MIPOL1: variants seen among roughly 807,000 people sequenced by gnomAD.
MIPOL1 encodes the protein mirror-image polydactyly gene 1 protein.
A neutral mutation model predicts 60.9 loss-of-function variants in MIPOL1; 57 were observed. That is an observed-to-expected ratio of 0.94 (90% CI 0.76 to 1.17). MIPOL1 has a LOEUF of 1.17. MIPOL1 is among the 50% of genes most tolerant of loss of function. The pLI is 0.00. For missense variants in MIPOL1, 551 were observed against 511.6 expected (o/e 1.08, Z -0.74); for synonymous variants, 179 against 168.8 (o/e 1.06, Z -0.47).
intron 12 of MIPOL1, among the ~76,000 whole-genome samples, chr14:37,526,385 T>C (rs1194998211): frequency 6.7e-6 from 1 of 150,020 alleles, no homozygotes; most frequent in African/African-American, 2.4e-5. Context: ...TTTTTTTTTT[T>C]TTGAGACGGA....
chr14:37,495,522 GTCTA>G (rs1315179256), intron 11 of MIPOL1, among the ~76,000 whole-genome samples: 4 of 149,178 alleles, frequency 2.7e-5, no homozygotes, highest in African/African-American at 9.9e-5. Context: ...TCTTAATCCA[GTCTA>G]TCATTGTTGG....
At chr14:37,427,089 A>C (rs1055755443) in intron 11 of MIPOL1, among the ~76,000 whole-genome samples, 1 of 152,202 alleles carries the variant, frequency 6.6e-6, no homozygotes, top group Non-Finnish European at 1.5e-5. Context: ...ATTGAAAGTA[A>C]GGACAAGCAG....
Position 37,233,516 on chromosome 14 carries a change from T to C in MIPOL1, c.-198-13587T>C, listed in dbSNP as rs540854456. ...GCCATTTAGTCCATCCCTAAAGAAC[T>C]GAGGGTCCTAGGAATTTAACCATGT... On this transcript the variant is annotated intron_variant, in intron 1 of 12. Transcript: ENST00000684589. Among the ~76,000 whole-genome samples the C allele has an allele frequency of 3.9e-5, 6 of 152,326 alleles. No individual in the cohort carries two copies. In the South Asian group the frequency reaches 1.2e-3, roughly 32 times the overall value.
chr14:37,460,159 A>C (rs1465071517), intron 11 of MIPOL1, among the ~76,000 whole-genome samples: 1 of 152,118 alleles, frequency 6.6e-6, no homozygotes, highest in Non-Finnish European at 1.5e-5. Flanking sequence ...CAAGAAGTTA[A>C]TACACCACAA....
chr14:37,432,019 A>C (rs1004184922), intron 11 of MIPOL1, among the ~76,000 whole-genome samples: 1 of 151,954 alleles, frequency 6.6e-6, no homozygotes, highest in Non-Finnish European at 1.5e-5. Flanking sequence ...TATTTTGTGC[A>C]CTCCCAAAAT....
chr14:37,335,993 T>C (rs561697042), intron 9 of MIPOL1, among the ~76,000 whole-genome samples: 1 of 152,208 alleles, frequency 6.6e-6, no homozygotes, highest in South Asian at 2.1e-4. Context: ...ATGAAATTTT[T>C]TCCCTGTATT....
intron 11 of MIPOL1, among the ~76,000 whole-genome samples, chr14:37,457,058 A>C (rs2153579041): frequency 6.6e-6 from 1 of 152,272 alleles, no homozygotes; most frequent in South Asian, 2.1e-4. Context: ...GCTATACATA[A>C]TGTAAAAAGA....
At chr14:37,340,144 T>TA (rs1245097385) in intron 9 of MIPOL1, among the ~76,000 whole-genome samples, 5 of 152,210 alleles carry the variant, frequency 3.3e-5, no homozygotes, top group African/African-American at 1.2e-4. Flanking sequence ...GGTGTCTTAC[T>TA]ACTTTGTCTT....
At chr14:37,286,625 G>A (rs1016311913) in intron 7 of MIPOL1, among the ~76,000 whole-genome samples, 5 of 152,056 alleles carry the variant, frequency 3.3e-5, no homozygotes, top group Non-Finnish European at 7.4e-5. Context: ...TTAAAACATG[G>A]TTCACTGGGG....
chr14:37,350,445 A>AT (rs900959325), intron 9 of MIPOL1, among the ~76,000 whole-genome samples: 20 of 150,136 alleles, frequency 1.3e-4, no homozygotes, highest in African/African-American at 3.7e-4. Flanking sequence ...GTATTTAACA[A>AT]TTTTTTTTAA....
intron 11 of MIPOL1, among the ~76,000 whole-genome samples, chr14:37,490,459 C>A (rs1054996492): frequency 6.6e-6 from 1 of 152,072 alleles, no homozygotes; most frequent in African/African-American, 2.4e-5. Context: ...GGGGAGTGAA[C>A]GGTCTGTCTT....
chr14:37,510,226 G>A (rs566305043), intron 12 of MIPOL1, among the ~76,000 whole-genome samples: 20 of 151,830 alleles, frequency 1.3e-4, no homozygotes, highest in African/African-American at 4.3e-4. Flanking sequence ...ACGTGTGTGT[G>A]TATATATATA....
chr14:37,389,664 A>G (rs1470047778), intron 10 of MIPOL1, among the ~76,000 whole-genome samples: 2 of 146,868 alleles, frequency 1.4e-5, no homozygotes, highest in African/African-American at 2.5e-5. Context: ...TTTTGCAGCC[A>G]CTTTTATCTC....
chr14:37,522,020 G>T (rs569733458), intron 12 of MIPOL1, among the ~76,000 whole-genome samples: 1 of 151,062 alleles, frequency 6.6e-6, no homozygotes, highest in African/African-American at 2.4e-5. Context: ...ATGCTTTAGA[G>T]AATTTCATTG....
At chr14:37,253,186 A>G (rs957768249) in intron 3 of MIPOL1, among the ~76,000 whole-genome samples, 3 of 151,846 alleles carry the variant, frequency 2.0e-5, no homozygotes, top group African/African-American at 7.2e-5. Flanking sequence ...GTGTTGGAAA[A>G]CCAATACTTT....
intron 12 of MIPOL1, among the ~76,000 whole-genome samples, chr14:37,522,837 A>C (rs1227592232): frequency 6.6e-6 from 1 of 152,118 alleles, no homozygotes; most frequent in Non-Finnish European, 1.5e-5. Context: ...CATCCTAGGA[A>C]TACATTTCAA....
intron 3 of MIPOL1, among the ~76,000 whole-genome samples, chr14:37,254,407 C>G (rs1974588104): frequency 6.6e-6 from 1 of 151,708 alleles, no homozygotes; most frequent in Non-Finnish European, 1.5e-5. Flanking sequence ...ATGAATAGTT[C>G]ATGTTGGTGA....
intron 9 of MIPOL1, among the ~76,000 whole-genome samples, chr14:37,354,512 A>T (rs1428887295): frequency 1.9e-5 from 1 of 51,442 alleles, no homozygotes; most frequent in African/African-American, 7.8e-5. Flanking sequence ...TGGGGTGTTA[A>T]AGTCTCCCAT....
At chr14:37,224,565 C>G (rs1197605020) in intron 1 of MIPOL1, among the ~76,000 whole-genome samples, 1 of 152,128 alleles carries the variant, frequency 6.6e-6, no homozygotes, top group East Asian at 1.9e-4. Context: ...GAGACTTATT[C>G]ACTACAACTG....
Sources: allele counts gnomAD v4.1 joint callset (sites outside exome capture counted in the v4.1 genomes callset), GRCh38; gene constraint gnomAD v4.1.1; transcripts MANE v1.5; gene names NCBI Gene and HGNC (gene_info 2026-07-23, HGNC 2026-07-21).